Variants in SOX5 observed in about 807,000 individuals in gnomAD.
SOX5 encodes the protein transcription factor SOX-5.
In SOX5, 9 loss-of-function variants were observed where a neutral mutation model predicts 92.0. That is an observed-to-expected ratio of 0.10 (90% confidence interval 0.06 to 0.17). The LOEUF (loss-of-function observed/expected upper bound fraction) is 0.17, where lower values mean the gene tolerates loss of function less well. Ranked by LOEUF, SOX5 falls within the 10% of genes least tolerant of loss-of-function variation. The pLI, the probability that SOX5 is intolerant of heterozygous loss-of-function variation, is 1.00. For synonymous variants in SOX5, 344 were observed against 336.3 expected, an observed-to-expected ratio of 1.02 and a Z score of -0.25; for missense variants, 642 against 944.5, an observed-to-expected ratio of 0.68 and a Z score of 4.20.
At chr12:23,616,417 AGAG>A (rs2076561679) in intron 8 of SOX5, among the ~76,000 whole-genome samples, 1 of 152,222 alleles carries the variant, frequency 6.6e-6, no homozygotes, top group African/African-American at 2.4e-5. Flanking sequence ...AAAGGTGCCT[AGAG>A]GAAAGTGGGA....
chr12:24,111,709 GA>G (rs1313819417), intron 4 of SOX5, among the ~76,000 whole-genome samples: 2 of 151,808 alleles, frequency 1.3e-5, no homozygotes, highest in African/African-American at 2.4e-5. Flanking sequence ...TATCAAAGCT[GA>G]AAAAAATACT....
Position 24,080,852 on chromosome 12 carries a change from G to T in SOX5, c.-2+132491C>A, listed in dbSNP as rs73275448. 7.7e-3 allele frequency among the ~76,000 whole-genome samples: 1,172 copies of T among 151,936 alleles called. 15 individuals carry two copies. Among genetic ancestry groups the T allele is most frequent in the African/African-American group, 0.027 (1,115 of 41,462 alleles). The stretch of plus-strand genomic sequence containing the variant: ...AGAAATGGCATTGTAGCTACTGTAT[G>T]ATTTTAATACATCTCATTGGAATGG... On this transcript the variant is annotated intron_variant, in intron 4 of 4. Transcript: ENST00000446891.
intron 2 of SOX5, among the ~76,000 whole-genome samples, chr12:24,335,167 C>T (rs1371602545): frequency 6.6e-6 from 1 of 152,066 alleles, no homozygotes; most frequent in Non-Finnish European, 1.5e-5. Flanking sequence ...CAAGGAAGAC[C>T]AATTTCTCTT....
intron 1 of SOX5, among the ~76,000 whole-genome samples, chr12:24,451,839 C>G (rs942586795): frequency 2.0e-5 from 3 of 152,120 alleles, no homozygotes; most frequent in Non-Finnish European, 4.4e-5. Context: ...TGGCATGATG[C>G]CTGGGACGCT....
intron 1 of SOX5, among the ~76,000 whole-genome samples, chr12:24,442,065 A>G (rs980486153): frequency 6.6e-6 from 1 of 152,238 alleles, no homozygotes; most frequent in African/African-American, 2.4e-5. Flanking sequence ...AAGCAAAGCA[A>G]TAAGTAAATG....
At chr12:23,742,779 G>A (rs1398211907) in intron 4 of SOX5, among the ~76,000 whole-genome samples, 5 of 152,094 alleles carry the variant, frequency 3.3e-5, no homozygotes, top group Non-Finnish European at 5.9e-5. Flanking sequence ...ATCACTTGAG[G>A]CCAAGAGTTC....
chr12:23,625,074 G>T (rs1446843051), intron 8 of SOX5, among the ~76,000 whole-genome samples: 2 of 152,164 alleles, frequency 1.3e-5, no homozygotes, highest in African/African-American at 4.8e-5. Context: ...GGTAGTCAGG[G>T]TTCACCATAC....
At chr12:24,260,923 T>A (rs952815016) in intron 3 of SOX5, among the ~76,000 whole-genome samples, 7 of 152,212 alleles carry the variant, frequency 4.6e-5, no homozygotes, top group Non-Finnish European at 7.3e-5. Context: ...GTTGGGTCAT[T>A]TAATTCTACT....
chr12:23,981,725 T>C (rs186136864), intron 4 of SOX5, among the ~76,000 whole-genome samples: 32 of 152,258 alleles, frequency 2.1e-4, no homozygotes, highest in African/African-American at 7.0e-4. Context: ...TGAGAGTTTT[T>C]ATGTACATTT....
intron 2 of SOX5, among the ~76,000 whole-genome samples, chr12:24,292,787 G>T (rs1394734646): frequency 6.6e-6 from 1 of 152,144 alleles, no homozygotes; most frequent in Non-Finnish European, 1.5e-5. Context: ...TTTCTTATGA[G>T]CTGTAACATT....
chr12:23,757,259 C>T (rs1190582398), intron 3 of SOX5, among the ~76,000 whole-genome samples: 1 of 151,734 alleles, frequency 6.6e-6, no homozygotes, highest in Non-Finnish European at 1.5e-5. Context: ...GATTTTTTCC[C>T]TCAGAACAAA....
At chr12:23,993,568 C>T (rs1317395241) in intron 4 of SOX5, among the ~76,000 whole-genome samples, 1 of 152,140 alleles carries the variant, frequency 6.6e-6, no homozygotes, top group Non-Finnish European at 1.5e-5. Context: ...GATTCAGTAA[C>T]CTTTCCCTTA....
At chr12:24,420,763 A>G (rs1263020654) in intron 1 of SOX5, among the ~76,000 whole-genome samples, 2 of 152,208 alleles carry the variant, frequency 1.3e-5, no homozygotes, top group Admixed American at 6.5e-5. Flanking sequence ...GAATCTAAGT[A>G]GTGAGTATTG....
chr12:24,162,312 T>C (rs1442223211), intron 4 of SOX5, among the ~76,000 whole-genome samples: 1 of 152,106 alleles, frequency 6.6e-6, no homozygotes, highest in Non-Finnish European at 1.5e-5. Flanking sequence ...ATTAATAAGC[T>C]AGTGCATATT....
At chr12:24,267,819 G>A (rs1943212225) in intron 3 of SOX5, among the ~76,000 whole-genome samples, 1 of 152,128 alleles carries the variant, frequency 6.6e-6, no homozygotes, top group Non-Finnish European at 1.5e-5. Context: ...TGATGCTTAT[G>A]CAATTGTTAT....
intron 4 of SOX5, among the ~76,000 whole-genome samples, chr12:24,015,641 A>G (rs1183866338): frequency 1.3e-5 from 2 of 152,200 alleles, no homozygotes; most frequent in African/African-American, 4.8e-5. Flanking sequence ...ACGGGAGCCA[A>G]TGCCAGTGGG....
At chr12:24,555,967 G>T (rs932454335) in intron 1 of SOX5, among the ~76,000 whole-genome samples, 1 of 152,202 alleles carries the variant, frequency 6.6e-6, no homozygotes, top group African/African-American at 2.4e-5. Flanking sequence ...CCCAGCCAAT[G>T]ACTGACAGTG....
intron 2 of SOX5, among the ~76,000 whole-genome samples, chr12:24,309,357 T>C (rs1284426453): frequency 6.6e-6 from 1 of 152,212 alleles, no homozygotes; most frequent in African/African-American, 2.4e-5. Flanking sequence ...TAATTCTGTA[T>C]GTTAATAAAT....
At chr12:23,703,706 C>G (rs959264316) in intron 6 of SOX5, among the ~76,000 whole-genome samples, 2 of 147,718 alleles carry the variant, frequency 1.4e-5, no homozygotes, top group Non-Finnish European at 3.0e-5. Context: ...ATATCAAAAG[C>G]TTCCTCTTCA....
Sources: allele counts gnomAD v4.1 joint callset (sites outside exome capture counted in the v4.1 genomes callset), GRCh38; gene constraint gnomAD v4.1.1; transcripts MANE v1.5; gene names NCBI Gene and HGNC (gene_info 2026-07-23, HGNC 2026-07-21).